The following IPO11 variants were observed in gnomAD, a reference collection of about 807,000 sequenced individuals.
The protein encoded by IPO11 is importin-11.
In IPO11, 66 loss-of-function variants were observed where a neutral mutation model predicts 143.2. The ratio of observed to expected loss-of-function variants is 0.46; its 90% CI spans 0.38 to 0.57. IPO11 has a LOEUF of 0.57. Among genes scored for constraint, IPO11 ranks in the 20% least tolerant of loss-of-function variants. The probability of loss-of-function intolerance (pLI) is 0.00; values close to 1 mark genes in which losing one functional copy is unlikely to be tolerated. For synonymous variants in IPO11, 385 were observed against 377.8 expected, an observed-to-expected ratio of 1.02 and a Z score of -0.22; for missense variants, 1,026 against 1,141.0, an observed-to-expected ratio of 0.90 and a Z score of 1.45.
chr5:62,435,142 A>ATGTATATATGTATATATATG (rs1744152271), intron 1 of IPO11, among the ~76,000 whole-genome samples: 1 of 60,044 alleles, frequency 1.7e-5, no homozygotes, highest in Admixed American at 1.4e-4. Context: ...ATATGTATAT[A>ATGTATATATGTATATATATG]TGTATATATG....
chr5:62,577,503 G>A (rs1744359154), intron 27 of IPO11, among the ~76,000 whole-genome samples: 2 of 151,878 alleles, frequency 1.3e-5, no homozygotes, highest in Admixed American at 6.6e-5. Flanking sequence ...AAAATCCATG[G>A]GACAAGCTTC....
At chr5:62,499,763 A>G (rs1741285845) in intron 16 of IPO11, among the ~76,000 whole-genome samples, 1 of 151,970 alleles carries the variant, frequency 6.6e-6, no homozygotes, top group Admixed American at 6.6e-5. Context: ...TTGTGCAAAA[A>G]TATTTTCTTT....
intron 25 of IPO11, 64 bp downstream of exon 25, chr5:62,550,526 T>C (rs1172835182): frequency 2.9e-6 from 3 of 1,052,146 alleles, no homozygotes; most frequent in African/African-American, 3.2e-5. Flanking sequence ...TTAATTACTC[T>C]GTTAGATACA....
At chr5:62,552,689 A>G (rs951176161) in intron 26 of IPO11, among the ~76,000 whole-genome samples, 1 of 152,118 alleles carries the variant, frequency 6.6e-6, no homozygotes, top group African/African-American at 2.4e-5. Flanking sequence ...TGTTTCCATG[A>G]GGGGCCTGGT....
chr5:62,481,728 T>C (rs1746220570), intron 9 of IPO11, among the ~76,000 whole-genome samples: 2 of 152,188 alleles, frequency 1.3e-5, no homozygotes. Context: ...AATCCCTGAT[T>C]GTTCATCAGG....
intron 29 of IPO11, among the ~76,000 whole-genome samples, chr5:62,608,016 A>G (rs1745789069): frequency 6.6e-6 from 1 of 152,070 alleles, no homozygotes; most frequent in African/African-American, 2.4e-5. Context: ...ACGGGGTTTC[A>G]CCATGTTGGC....
At chr5:62,601,891 TATC>T in intron 29 of IPO11, 43 bp downstream of exon 29, 1 of 1,219,982 alleles carries the variant, frequency 8.2e-7, no homozygotes, top group Non-Finnish European at 1.2e-6. Context: ...AACCATATAT[TATC>T]ATTTTCTGTA....
At chr5:62,497,809 G>A (rs751816736) in intron 16 of IPO11, among the ~76,000 whole-genome samples, 58 of 152,066 alleles carry the variant, frequency 3.8e-4, no homozygotes, top group Non-Finnish European at 6.9e-4. Context: ...ATTCTGCCTC[G>A]AATTTATTTT....
At chr5:62,531,454 C>T (rs540688196) in intron 22 of IPO11, among the ~76,000 whole-genome samples, 1 of 152,256 alleles carries the variant, frequency 6.6e-6, no homozygotes, top group South Asian at 2.1e-4. Flanking sequence ...CCTCAGCCTC[C>T]TGAGTAGCTA....
At chr5:62,547,619 G>T (rs936272738) in intron 24 of IPO11, among the ~76,000 whole-genome samples, 1 of 151,904 alleles carries the variant, frequency 6.6e-6, no homozygotes, top group African/African-American at 2.4e-5. Context: ...CAAAAACTCT[G>T]TTTTATCCCT....
At chr5:62,590,329 TCTTTA>T (rs1008799047) in intron 27 of IPO11, among the ~76,000 whole-genome samples, 10 of 152,224 alleles carry the variant, frequency 6.6e-5, no homozygotes, top group African/African-American at 1.4e-4. Flanking sequence ...AAATTGTTGT[TCTTTA>T]CTTAACCCTG....
At chr5:62,527,193 A>G (rs1742396743) in intron 21 of IPO11, among the ~76,000 whole-genome samples, 1 of 152,232 alleles carries the variant, frequency 6.6e-6, no homozygotes, top group Non-Finnish European at 1.5e-5. Flanking sequence ...GTTTGGTTGT[A>G]AATTAGCCTG....
intron 1 of IPO11, among the ~76,000 whole-genome samples, chr5:62,421,630 G>A (rs953658339): frequency 1.3e-5 from 2 of 152,202 alleles, no homozygotes; most frequent in Non-Finnish European, 2.9e-5. Flanking sequence ...GTCTTGGTCA[G>A]TAAAACAAAA....
chr5:62,480,000 A>G (rs1349054760), intron 9 of IPO11, among the ~76,000 whole-genome samples: 1 of 152,168 alleles, frequency 6.6e-6, no homozygotes, highest in Non-Finnish European at 1.5e-5. Context: ...TGTTTTAGTC[A>G]TGAAGTCTTT....
intron 2 of IPO11, among the ~76,000 whole-genome samples, chr5:62,441,769 G>A (rs1165563236): frequency 3.3e-5 from 5 of 150,726 alleles, no homozygotes; most frequent in South Asian, 2.1e-4. Flanking sequence ...CACCTGCCTC[G>A]GCCTCCCAGA....
intron 20 of IPO11, among the ~76,000 whole-genome samples, chr5:62,516,937 G>A (rs1050306184): frequency 6.6e-6 from 1 of 151,464 alleles, no homozygotes; most frequent in African/African-American, 2.4e-5. Context: ...GGTGGCTCAA[G>A]CCTGTAATCC....
chr5:62,576,207 C>A, intron 27 of IPO11: 2 of 159,194 alleles, frequency 1.3e-5, no homozygotes, highest in South Asian at 3.4e-4. Flanking sequence ...TTTGTGTGCT[C>A]CCTTTGGTTC....
chr5:62,618,096 T>G (rs1746209361), intron 29 of IPO11, among the ~76,000 whole-genome samples: 1 of 152,162 alleles, frequency 6.6e-6, no homozygotes, highest in Non-Finnish European at 1.5e-5. Flanking sequence ...CTGAGCATAT[T>G]CTAGGCTAAC....
chr5:62,417,658 G>T (rs1743348593), intron 1 of IPO11, among the ~76,000 whole-genome samples: 1 of 152,068 alleles, frequency 6.6e-6, no homozygotes. Flanking sequence ...CGTAGTTTAG[G>T]AAATAAGGAC....
Sources: allele counts gnomAD v4.1 joint callset (sites outside exome capture counted in the v4.1 genomes callset), GRCh38; gene constraint gnomAD v4.1.1; transcripts MANE v1.5; gene names NCBI Gene and HGNC (gene_info 2026-07-23, HGNC 2026-07-21).